The following SGPL1 variants were observed in gnomAD, a reference collection of about 807,000 sequenced individuals.
SGPL1 encodes the protein sphingosine-1-phosphate lyase 1, also known as SP-lyase 1.
In SGPL1, 37 loss-of-function variants were observed where a neutral mutation model predicts 68.9. The observed-to-expected ratio is 0.54, with a 90% CI of 0.41 to 0.71. SGPL1 has a LOEUF of 0.71. Among genes scored for constraint, SGPL1 ranks in the 30% least tolerant of loss-of-function variants. The pLI, the probability that SGPL1 is intolerant of heterozygous loss-of-function variation, is 0.00. For missense variants in SGPL1, 551 were observed against 704.6 expected, an observed-to-expected ratio of 0.78 and a Z score of 2.47; for synonymous variants, 236 against 248.5, an observed-to-expected ratio of 0.95 and a Z score of 0.47.
chr10:70,865,725 A>G (rs938032651), intron 7 of SGPL1, among the ~76,000 whole-genome samples: 4 of 152,246 alleles, frequency 2.6e-5, no homozygotes, highest in Admixed American at 2.6e-4. Flanking sequence ...GCCTTAAACT[A>G]TCTTTCCTTC....
chr10:70,876,430 T>G, intron 13 of SGPL1, 111 bp from the exon 14 acceptor site: 2 of 980,182 alleles, frequency 2.0e-6, no homozygotes, highest in Non-Finnish European at 3.0e-6. Flanking sequence ...ACTACACTTG[T>G]CAGAAATATT....
At chr10:70,876,395 C>G (rs1846385916) in intron 13 of SGPL1, 146 bp from the exon 14 acceptor site, 1 of 690,998 alleles carries the variant, frequency 1.4e-6, no homozygotes, top group Non-Finnish European at 2.3e-6. Context: ...AGCCGAGATT[C>G]CCAGGACTAG....
intron 6 of SGPL1, 81 bp from the exon 7 acceptor site, chr10:70,859,290 G>T: frequency 9.2e-7 from 1 of 1,083,462 alleles, no homozygotes; most frequent in Non-Finnish European, 1.2e-6. Context: ...CTAATACTTA[G>T]AAACTGTTGT....
rs754786460 is a variant in SGPL1, at chr10:70,871,087, G to A, written c.850G>A (p.Val284Ile). 32 of 1,613,818 alleles carry A rather than the reference G, an allele frequency of 2.0e-5. No individual in the cohort carries two copies. The highest frequency in any genetic ancestry group is 4.5e-5 in the East Asian group (2 of 44,886). Residue 284 changes from valine (V) to isoleucine (I), a missense_variant, in exon 10 of 15, where the codon GTC becomes ATC. Transcript: ENST00000373202. ...TATCTCCAGGAACACTGCCATGCTCGTCTGTTCTACCCCACAGTTTCCTCA... is the reference window on the plus strand; with the variant it reads ...TATCTCCAGGAACACTGCCATGCTCATCTGTTCTACCCCACAGTTTCCTCA... ...RAISRNTAML[V>I]CSTPQFPHGV...
At chr10:70,829,490 A>G (rs1178375114) in intron 2 of SGPL1, among the ~76,000 whole-genome samples, 1 of 152,210 alleles carries the variant, frequency 6.6e-6, no homozygotes, top group African/African-American at 2.4e-5. Context: ...TGAATATTTA[A>G]TGAGTGTTTA....
chr10:70,861,430 T>G (rs1010785198), intron 7 of SGPL1, among the ~76,000 whole-genome samples: 1 of 152,126 alleles, frequency 6.6e-6, no homozygotes, highest in Non-Finnish European at 1.5e-5. Context: ...TGGCTGTAAA[T>G]TGAAAATTGC....
intron 4 of SGPL1, among the ~76,000 whole-genome samples, chr10:70,851,966 G>A (rs532567482): frequency 6.6e-6 from 1 of 152,262 alleles, no homozygotes; most frequent in African/African-American, 2.4e-5. Context: ...CCTTTGTTAT[G>A]TCCTCTTGGC....
intron 3 of SGPL1, 53 bp downstream of exon 3, chr10:70,844,691 A>C (rs1223998410): frequency 1.2e-5 from 18 of 1,508,962 alleles, no homozygotes; most frequent in Non-Finnish European, 1.6e-5. Context: ...CTAGCCTCAA[A>C]CTAATTGCTG....
rs548392078 is a variant in SGPL1 at position 70,826,110 on chromosome 10, G to A, written c.27+9230G>A. 3.9e-5 allele frequency among the ~76,000 whole-genome samples: 6 copies of A among 152,214 alleles called. No individual in the cohort carries two copies. The East Asian group carries it at 9.7e-4, about 24-fold the overall frequency. On this transcript the variant is annotated intron_variant, in intron 2 of 14. Coordinates refer to ENST00000373202, the MANE Select transcript of SGPL1 (RefSeq NM_003901.4). ...TGAGGCATGAGAATCGCTTGAACGC[G>A]GGAGGTGGAGGTTGCAGTGAGCCAA...
intron 7 of SGPL1, among the ~76,000 whole-genome samples, chr10:70,861,851 T>C (rs1846064021): frequency 6.6e-6 from 1 of 152,196 alleles, no homozygotes; most frequent in South Asian, 2.1e-4. Context: ...TGCGCTCGAT[T>C]TCTCGCTGGG....
chr10:70,818,451 A>G (rs1444176625), intron 2 of SGPL1, among the ~76,000 whole-genome samples: 2 of 151,928 alleles, frequency 1.3e-5, no homozygotes, highest in Admixed American at 1.3e-4. Flanking sequence ...TGTTTTTGTC[A>G]CTTCTCTGAG....
chr10:70,831,384 A>T (rs1013545675), intron 2 of SGPL1, among the ~76,000 whole-genome samples: 12 of 152,038 alleles, frequency 7.9e-5, no homozygotes, highest in Non-Finnish European at 1.5e-4. Flanking sequence ...CTCAGTCCCA[A>T]CCCATACCTG....
intron 9 of SGPL1, among the ~76,000 whole-genome samples, 191 bp from the exon 10 acceptor site, chr10:70,870,857 A>G (rs1457923021): frequency 6.6e-6 from 1 of 152,092 alleles, no homozygotes; most frequent in African/African-American, 2.4e-5. Flanking sequence ...TATTCTCCAA[A>G]TGGACTTACC....
intron 2 of SGPL1, among the ~76,000 whole-genome samples, chr10:70,822,958 C>A (rs1307348564): frequency 2.6e-5 from 4 of 151,650 alleles, no homozygotes; most frequent in African/African-American, 7.3e-5. Context: ...GTGGGCACTT[C>A]TAATTTTATA....
rs3998628 is a variant in SGPL1, at chr10:70,875,386, ATT to A, written c.1299-10_1299-9del. 0.32 allele frequency: 504,470 copies of A among 1,562,590 alleles called. 83,394 individuals carry two copies. Among genetic ancestry groups the A allele is most frequent in the East Asian group, 0.39 (17,538 of 44,472 alleles). On this transcript the variant is annotated splice_polypyrimidine_tract_variant and intron_variant, in intron 12 of 14. Coordinates refer to ENST00000373202, the MANE Select transcript of SGPL1 (RefSeq NM_003901.4). ...GAATTTACTTTTTCTTCCTTCATTT[ATT>A]TTTTTGTTTTAAGACTGGAAAATAT... is the stretch of plus-strand genomic sequence containing the variant.
At chr10:70,876,019 C>T (rs982793854) in intron 13 of SGPL1, among the ~76,000 whole-genome samples, 6 of 152,200 alleles carry the variant, frequency 3.9e-5, no homozygotes, top group Non-Finnish European at 7.3e-5. Context: ...CTGTTCATGT[C>T]CTCTGTGTAC....
In SGPL1 at chr10:70,873,574, G is replaced by A. The variant is rs148958805; in HGVS notation, c.1283G>A (p.Arg428His). The A allele has an allele frequency of 3.5e-5, 56 of 1,612,554 alleles. No homozygotes were observed. The African/African-American group carries it at 4.4e-4, about 13-fold the overall frequency. Residue 428 changes from arginine (R) to histidine (H), a missense_variant, in exon 12 of 15, where the codon CGC becomes CAC. Coordinates refer to ENST00000373202, the MANE Select transcript of SGPL1 (RefSeq NM_003901.4). ...EATKQIIKTARFLKSELENIK... is the reference protein window; with the variant it reads ...EATKQIIKTAHFLKSELENIK... ...ACCAAACAGATCATCAAAACTGCTC[G>A]CTTCCTCAAGTCAGAGTATGTGTGG...
Position 70,868,345 on chromosome 10 carries a change from G to T in SGPL1, c.616G>T (p.Val206Leu). 1 of 1,606,950 alleles carries T rather than the reference G, an allele frequency of 6.2e-7. No individual in the cohort carries two copies. Among genetic ancestry groups the T allele is most frequent in the Non-Finnish European group, 8.5e-7 (1 of 1,176,370 alleles). Reference protein sequence around the residue: ...FNGGPDSCGCVTSGGTESILM... With the variant: ...FNGGPDSCGCLTSGGTESILM... ...AGATGGCATCTCTTCTTTATTATAG[G>T]TGACTTCTGGGGGAACAGAAAGCAT... is the stretch of plus-strand genomic sequence containing the variant. Residue 206 changes from valine to leucine, a missense_variant and splice_region_variant, in exon 8 of 15, where the codon GTG becomes TTG. Transcript: ENST00000373202.
At chr10:70,851,233 AT>A in intron 4 of SGPL1, 23 bp downstream of exon 4, 5 of 1,564,514 alleles carry the variant, frequency 3.2e-6, no homozygotes, top group Non-Finnish European at 4.4e-6. Flanking sequence ...TGTGTATGTC[AT>A]TTTTTCCCCT....
Sources: allele counts gnomAD v4.1 joint callset (sites outside exome capture counted in the v4.1 genomes callset), GRCh38; gene constraint gnomAD v4.1.1; transcripts MANE v1.5; gene names NCBI Gene and HGNC (gene_info 2026-07-23, HGNC 2026-07-21).